KCNIP1: variants seen among roughly 807,000 people sequenced by gnomAD.
The protein encoded by KCNIP1 is A-type potassium channel modulatory protein KCNIP1.
Under a neutral mutation model 33.0 loss-of-function variants are expected in KCNIP1, and 18 were observed. That is an observed-to-expected ratio of 0.55 (90% CI 0.38 to 0.81). The LOEUF is 0.81. Ranked by LOEUF, KCNIP1 falls within the 30% of genes least tolerant of loss-of-function variation. The pLI is 0.00. For synonymous variants in KCNIP1, 93 were observed against 98.3 expected, an observed-to-expected ratio of 0.95 and a Z score of 0.32; for missense variants, 238 against 271.6, an observed-to-expected ratio of 0.88 and a Z score of 0.87.
At chr5:170,503,090 CAG>C, upstream of KCNIP1, among the ~76,000 whole-genome samples, 1 of 152,106 alleles carries the variant, frequency 6.6e-6, no homozygotes, top group Middle Eastern at 3.4e-3. Context: ...AGGAAAGAAA[CAG>C]AAAAATGAGA....
chr5:170,420,541 A>AT (rs1554091198), intron 1 of KCNIP1: 7 of 151,914 alleles, frequency 4.6e-5, no homozygotes, highest in African/African-American at 1.5e-4. Context: ...CTCAAAAAAA[A>AT]AAAAAATAAA....
At chr5:170,484,588 A>G (rs995766080) in intron 1 of KCNIP1, among the ~76,000 whole-genome samples, 3 of 151,226 alleles carry the variant, frequency 2.0e-5, no homozygotes, top group African/African-American at 7.3e-5. Flanking sequence ...CTGTCTACCC[A>G]TTCGTCTTTT....
intron 1 of KCNIP1, among the ~76,000 whole-genome samples, chr5:170,393,526 G>A (rs894135538): frequency 1.4e-4 from 21 of 152,222 alleles, no homozygotes; most frequent in Admixed American, 1.3e-3. Context: ...CTTCACTGCA[G>A]AAAAGCGATG....
At chr5:170,401,533 A>T (rs1754903330) in intron 1 of KCNIP1, among the ~76,000 whole-genome samples, 1 of 152,114 alleles carries the variant, frequency 6.6e-6, no homozygotes, top group African/African-American at 2.4e-5. Context: ...GGAAGCCAAG[A>T]CGAGAAGATT....
At chr5:170,701,176 C>T (rs1296987809) in intron 1 of KCNIP1, among the ~76,000 whole-genome samples, 1 of 152,176 alleles carries the variant, frequency 6.6e-6, no homozygotes, top group Non-Finnish European at 1.5e-5. Context: ...AGATATTATC[C>T]TTATAGGCGA....
At chr5:170,443,584 G>A (rs1484321374) in intron 1 of KCNIP1, among the ~76,000 whole-genome samples, 1 of 152,242 alleles carries the variant, frequency 6.6e-6, no homozygotes, top group Non-Finnish European at 1.5e-5. Flanking sequence ...CTACATCCCT[G>A]GAGCATAACT....
intron 1 of KCNIP1, chr5:170,485,954 T>C (rs1388681774): frequency 6.6e-6 from 1 of 152,326 alleles, no homozygotes; most frequent in East Asian, 1.9e-4. Flanking sequence ...TTTCTCATTT[T>C]ATCGTCCTAA....
chr5:170,615,988 G>C (rs1442773744), intron 1 of KCNIP1, among the ~76,000 whole-genome samples: 1 of 152,188 alleles, frequency 6.6e-6, no homozygotes, highest in Non-Finnish European at 1.5e-5. Context: ...GCAGGACTGA[G>C]ATGTTTGGGA....
chr5:170,503,981 C>CCCGCCCGCCGCCCCCT, upstream of KCNIP1: 6 of 716,814 alleles, frequency 8.4e-6, no homozygotes, highest in Middle Eastern at 7.0e-4. Flanking sequence ...TCCGTAGTTG[C>CCCGCCCGCCGCCCCCT]CCGCCCGCCG....
Position 170,700,323 on chromosome 5 carries a change from C to T in KCNIP1, c.62-18435C>T, listed in dbSNP as rs138568323. On this transcript the variant is annotated intron_variant, in intron 1 of 7. Coordinates refer to ENST00000328939, the MANE Select transcript of KCNIP1 (RefSeq NM_014592.4). ...ATGGTAACCCATACCTTTCCTCCAT[C>T]ATAATTTGCTCAACTGTAATCAAAC... Among the ~76,000 whole-genome samples, 893 of 152,254 alleles carry T rather than the reference C, an allele frequency of 5.9e-3. 9 individuals carry two copies. The highest frequency in any genetic ancestry group is 0.02 in the African/African-American group (843 of 41,550).
intron 1 of KCNIP1, among the ~76,000 whole-genome samples, chr5:170,505,321 C>A (rs1455569715): frequency 6.6e-6 from 1 of 152,184 alleles, no homozygotes; most frequent in Non-Finnish European, 1.5e-5. Context: ...CTGATCTCAC[C>A]ATCCGTGGGA....
At chr5:170,522,127 G>A (rs1755386288) in intron 1 of KCNIP1, among the ~76,000 whole-genome samples, 1 of 152,206 alleles carries the variant, frequency 6.6e-6, no homozygotes, top group Non-Finnish European at 1.5e-5. Context: ...AGGAGTCTGA[G>A]CCCAGGTACT....
chr5:170,653,208 G>T (rs1761121377), intron 1 of KCNIP1, among the ~76,000 whole-genome samples: 1 of 152,198 alleles, frequency 6.6e-6, no homozygotes, highest in African/African-American at 2.4e-5. Context: ...ATCTGTCAGA[G>T]TTGCTGGATT....
intron 1 of KCNIP1, among the ~76,000 whole-genome samples, chr5:170,526,151 A>G (rs1399434588): frequency 6.6e-6 from 1 of 152,006 alleles, no homozygotes; most frequent in Non-Finnish European, 1.5e-5. Context: ...CACTTGTGTG[A>G]CCTGGCCATG....
At chr5:170,456,105 T>G (rs1050607352) in intron 1 of KCNIP1, among the ~76,000 whole-genome samples, 2 of 152,294 alleles carry the variant, frequency 1.3e-5, no homozygotes, top group Non-Finnish European at 2.9e-5. Flanking sequence ...GTGGCACATA[T>G]ACACCATGGA....
At chr5:170,668,368 T>C (rs1761785469) in intron 1 of KCNIP1, among the ~76,000 whole-genome samples, 1 of 152,184 alleles carries the variant, frequency 6.6e-6, no homozygotes. Context: ...ACAAAGGAAT[T>C]ACCACCAGAC....
intron 4 of KCNIP1, 100 bp from the exon 5 acceptor site, chr5:170,722,613 G>A (rs1763865802): frequency 3.7e-6 from 3 of 806,722 alleles, no homozygotes; most frequent in South Asian, 1.4e-5. Flanking sequence ...GACGCAGGAG[G>A]CACCATTCTG....
chr5:170,605,190 C>T (rs1461518852), intron 1 of KCNIP1, among the ~76,000 whole-genome samples: 1 of 151,086 alleles, frequency 6.6e-6, no homozygotes, highest in Non-Finnish European at 1.5e-5. Flanking sequence ...AGCCACCTGC[C>T]CACCCTCCCT....
chr5:170,660,404 A>G (rs1242944396), intron 1 of KCNIP1, among the ~76,000 whole-genome samples: 2 of 151,902 alleles, frequency 1.3e-5, no homozygotes, highest in African/African-American at 4.8e-5. Context: ...TTGTCTACTT[A>G]AAGTAAATCA....
Sources: allele counts gnomAD v4.1 joint callset (sites outside exome capture counted in the v4.1 genomes callset), GRCh38; gene constraint gnomAD v4.1.1; transcripts MANE v1.5; gene names NCBI Gene and HGNC (gene_info 2026-07-23, HGNC 2026-07-21).